Variants in CREBBP observed in about 807,000 individuals in gnomAD.
CREBBP encodes CREB binding lysine acetyltransferase, also known as CREB-binding protein.
Under a neutral mutation model 265.0 loss-of-function variants are expected in CREBBP, and 19 were observed. The observed-to-expected ratio is 0.07, with a 90% confidence interval of 0.05 to 0.11. The LOEUF (loss-of-function observed/expected upper bound fraction) is 0.11. Ranked by LOEUF, CREBBP falls within the 10% of genes least tolerant of loss-of-function variation. The probability of loss-of-function intolerance (pLI) is 1.00; values close to 1 mark genes in which losing one functional copy is unlikely to be tolerated. For synonymous variants in CREBBP, 1,457 were observed against 1,223.7 expected, an observed-to-expected ratio of 1.19 and a Z score of -3.98; for missense variants, 2,525 against 3,219.0, an observed-to-expected ratio of 0.78 and a Z score of 5.22.
At chr16:3,734,926 A>G (rs1378703348) in intron 28 of CREBBP, among the ~76,000 whole-genome samples, 1 of 152,180 alleles carries the variant, frequency 6.6e-6, no homozygotes, top group Admixed American at 6.5e-5. Context: ...CCATGGCAGC[A>G]GCCCACGCAA....
At chr16:3,773,418 C>T (rs1045260117) in intron 13 of CREBBP, among the ~76,000 whole-genome samples, 3 of 152,056 alleles carry the variant, frequency 2.0e-5, no homozygotes, top group Non-Finnish European at 4.4e-5. Context: ...ATCCTAATGC[C>T]TCTCAGGGTC....
Position 3,735,926 on chromosome 16 carries a change from C to T in CREBBP, c.4728+110G>A, listed in dbSNP as rs921114532. On this transcript the variant is annotated intron_variant, in intron 28 of 30. Transcript: ENST00000262367. ...GGTGGTGTCGACGTGCATGTGTGAA[C>T]GGAGACACCACCACAGGAAGGACCT... The T allele has an allele frequency of 3.6e-5, 57 of 1,579,466 alleles. No homozygotes were observed. The African/African-American group carries it at 4.4e-4, about 12-fold the overall frequency.
At chr16:3,810,463 A>C in intron 3 of CREBBP, 140 bp downstream of exon 3, 4 of 920,810 alleles carry the variant, frequency 4.3e-6, no homozygotes, top group Non-Finnish European at 7.1e-6. Context: ...TTAGAGAGCT[A>C]CTCATGAGAA....
chr16:3,808,080 C>T (rs903732205), intron 3 of CREBBP, among the ~76,000 whole-genome samples: 1 of 137,016 alleles, frequency 7.3e-6, no homozygotes, highest in Non-Finnish European at 1.5e-5. Flanking sequence ...AGATCAGAGA[C>T]AGACCAAGAA....
At chr16:3,814,189 G>GTA (rs1555489913) in intron 2 of CREBBP, among the ~76,000 whole-genome samples, 1 of 149,172 alleles carries the variant, frequency 6.7e-6, no homozygotes, top group African/African-American at 2.5e-5. Context: ...GTGTGTGTGT[G>GTA]TGTGTGTTTG....
Position 3,745,350 on chromosome 16 carries a change from C to T in CREBBP, c.3841G>A (p.Val1281Ile), listed in dbSNP as rs201874248. The T allele has an allele frequency of 1.6e-4, 256 of 1,613,858 alleles. No homozygotes were observed. Among genetic ancestry groups the T allele is most frequent in the Non-Finnish European group, 2.1e-4 (242 of 1,179,930 alleles). The change falls in exon 22 of 31, where the codon GTT becomes ATT. Residue 1281 changes from valine to isoleucine, a missense_variant. Val to Ile is a conservative substitution (Grantham distance 29). Coordinates refer to ENST00000262367, the MANE Select transcript of CREBBP (RefSeq NM_004380.3). ...KNDTLDPEPF[V>I]DCKECGRKMH... ...TTCCGGCCACACTCCTTGCAATCAA[C>T]GAAACTAGGAGGCAAAGAAGGCGCA...
intron 1 of CREBBP, among the ~76,000 whole-genome samples, chr16:3,878,506 T>G (rs1235436685): frequency 6.6e-6 from 1 of 152,352 alleles, no homozygotes; most frequent in South Asian, 2.1e-4. Flanking sequence ...ACATTAATAT[T>G]AAACGTCGCT....
rs560069805 is a variant in CREBBP, at chr16:3,792,764, C to T, written c.1216+622G>A. Among the ~76,000 whole-genome samples, 11 of 152,342 alleles carry T rather than the reference C, an allele frequency of 7.2e-5. No homozygotes were observed. In the East Asian group the frequency reaches 2.1e-3, roughly 29 times the overall value. On this transcript the variant is annotated intron_variant, in intron 4 of 30. Coordinates refer to ENST00000262367, the MANE Select transcript of CREBBP (RefSeq NM_004380.3). ...GAATAAAGATTAAAGGAAAGTACAG[C>T]TGTTAATAAGAAACACTTCCTTCGG...
intron 8 of CREBBP, among the ~76,000 whole-genome samples, chr16:3,779,885 C>G (rs1377049529): frequency 6.6e-6 from 1 of 152,084 alleles, no homozygotes; most frequent in East Asian, 1.9e-4. Flanking sequence ...AAGAGGATTA[C>G]TTGAGGCCAG....
At chr16:3,807,312 C>T (rs773013783) in intron 3 of CREBBP, among the ~76,000 whole-genome samples, 7 of 152,176 alleles carry the variant, frequency 4.6e-5, no homozygotes, top group Non-Finnish European at 1.0e-4. Context: ...CTGCAGAGGG[C>T]ACCAGGTGAT....
intron 20 of CREBBP, among the ~76,000 whole-genome samples, chr16:3,750,552 T>C (rs1276815199): frequency 6.6e-6 from 1 of 152,204 alleles, no homozygotes. Context: ...AGTATAGAAA[T>C]GAGTTGATAA....
chr16:3,837,050 G>A (rs751085889), intron 2 of CREBBP, among the ~76,000 whole-genome samples: 8 of 152,210 alleles, frequency 5.3e-5, no homozygotes, highest in Non-Finnish European at 1.2e-4. Flanking sequence ...ACTTATTAGA[G>A]TATAATCCTT....
intron 1 of CREBBP, among the ~76,000 whole-genome samples, chr16:3,851,711 G>A (rs1041167106): frequency 2.3e-4 from 35 of 151,668 alleles, no homozygotes; most frequent in African/African-American, 7.3e-4. Context: ...AAAATTAGCC[G>A]GGCGCGGTGG....
In CREBBP at chr16:3,753,396, T is replaced by G. The variant is rs1312693478; in HGVS notation, c.3699-1590A>C. Among the ~76,000 whole-genome samples, 3 of 152,356 alleles carry G rather than the reference T, an allele frequency of 2.0e-5. No individual in the cohort carries two copies. The East Asian group carries it at 5.8e-4, about 29-fold the overall frequency. On this transcript the variant is annotated intron_variant, in intron 19 of 30. Coordinates refer to ENST00000262367, the MANE Select transcript of CREBBP (RefSeq NM_004380.3). ...GCATGCACATCTCAAGATGAGCCAA[T>G]TTTTTGTGTTTGGTTGATGAGGAAC...
intron 2 of CREBBP, among the ~76,000 whole-genome samples, chr16:3,817,551 A>G (rs992049829): frequency 2.6e-5 from 4 of 152,222 alleles, no homozygotes; most frequent in Non-Finnish European, 5.9e-5. Flanking sequence ...TCCAAAAACT[A>G]ATTAAGGGTT....
intron 30 of CREBBP, among the ~76,000 whole-genome samples, chr16:3,730,077 TGG>T (rs1567264014): frequency 7.2e-6 from 1 of 138,990 alleles, no homozygotes; most frequent in African/African-American, 3.4e-5. Flanking sequence ...ATGGACGGGA[TGG>T]GATCATGGAC....
rs2051714352 is a variant in CREBBP, at chr16:3,725,324, T to A, written c.*2394A>T. The A allele has an allele frequency of 4.3e-6, 1 of 233,148 alleles. No homozygotes were observed. The highest frequency in any genetic ancestry group is 8.5e-6 in the Non-Finnish European group (1 of 118,016). 14.4% of individuals were successfully genotyped at this position (233,148 alleles called of 1,614,324 possible). ...CAGACTCCAAAGAGGATGAGGTTGG[T>A]ACATAACGTTTTGAATTCCAGGATA... is the stretch of plus-strand genomic sequence containing the variant. On this transcript the variant is annotated 3_prime_UTR_variant, in exon 31 of 31. Coordinates refer to ENST00000262367, the MANE Select transcript of CREBBP (RefSeq NM_004380.3).
intron 1 of CREBBP, among the ~76,000 whole-genome samples, chr16:3,871,877 C>G (rs2055307139): frequency 6.6e-6 from 1 of 152,172 alleles, no homozygotes; most frequent in Non-Finnish European, 1.5e-5. Context: ...CAATATAGTA[C>G]AGGCATATTA....
intron 14 of CREBBP, among the ~76,000 whole-genome samples, chr16:3,770,316 G>A (rs2052969304): frequency 6.6e-6 from 1 of 151,964 alleles, no homozygotes; most frequent in African/African-American, 2.4e-5. Context: ...TGAGTGGCTG[G>A]GACTACAGGA....
Sources: allele counts gnomAD v4.1 joint callset (sites outside exome capture counted in the v4.1 genomes callset), GRCh38; gene constraint gnomAD v4.1.1; transcripts MANE v1.5; gene names NCBI Gene and HGNC (gene_info 2026-07-23, HGNC 2026-07-21).